RBFOX1: variants seen among roughly 807,000 people sequenced by gnomAD.
RBFOX1 encodes the protein RNA binding fox-1 homolog 1.
RBFOX1 carries 8 observed loss-of-function variants against 57.7 expected under a neutral mutation model. The ratio of observed to expected loss-of-function variants is 0.14; its 90% CI spans 0.08 to 0.25. The LOEUF (loss-of-function observed/expected upper bound fraction) is 0.25, where lower values mean the gene tolerates loss of function less well. Among genes scored for constraint, RBFOX1 ranks in the 10% least tolerant of loss-of-function variants. The probability of loss-of-function intolerance (pLI) is 1.00; values close to 1 mark genes in which losing one functional copy is unlikely to be tolerated. For synonymous variants in RBFOX1, 326 were observed against 222.4 expected (o/e 1.47, Z -4.15); for missense variants, 611 against 548.5 (o/e 1.11, Z -1.14).
rs1015073470 is a variant in RBFOX1, at chr16:5,947,287, C to G, written c.351+79952C>G. Among the ~76,000 whole-genome samples, 2 of 152,140 alleles carry G rather than the reference C, an allele frequency of 1.3e-5. No homozygotes were observed. Among genetic ancestry groups the G allele is most frequent in the Non-Finnish European group, 2.9e-5 (2 of 68,022 alleles). ...AGTGGGTAAGGAGGAGGTGGCCAAG[C>G]TGAGGTCAGAGGGGGAGGTCAGATC... On this transcript the variant is annotated intron_variant, in intron 4 of 19. Coordinates refer to the RBFOX1 transcript ENST00000641259. The surrounding 1 kb of genome is among the most constrained non-coding windows in gnomAD (Gnocchi z 7.2).
At chr16:7,324,404 A>C (rs1247835740) in intron 4 of RBFOX1, among the ~76,000 whole-genome samples, 1 of 152,106 alleles carries the variant, frequency 6.6e-6, no homozygotes, top group African/African-American at 2.4e-5. Context: ...AGATGTAGAG[A>C]GTGCACAAAG....
At chr16:6,953,789 A>G (rs1029275583) in intron 3 of RBFOX1, among the ~76,000 whole-genome samples, 1 of 152,174 alleles carries the variant, frequency 6.6e-6, no homozygotes, top group African/African-American at 2.4e-5. Context: ...GAATATCAAG[A>G]TTTCAAACTG....
intron 2 of RBFOX1, among the ~76,000 whole-genome samples, chr16:6,594,819 C>T (rs756981973): frequency 1.3e-5 from 2 of 152,142 alleles, no homozygotes; most frequent in Non-Finnish European, 2.9e-5. Context: ...GACGGAGTCT[C>T]ATTCCGTCGC....
intron 4 of RBFOX1, among the ~76,000 whole-genome samples, chr16:7,259,352 C>G (rs139719779): frequency 6.6e-6 from 1 of 152,058 alleles, no homozygotes; most frequent in African/African-American, 2.4e-5. Flanking sequence ...TAACCAAAAG[C>G]GAATGGGTTC....
At chr16:5,272,639 A>T (rs1311413631) in intron 1 of RBFOX1, among the ~76,000 whole-genome samples, 1 of 152,198 alleles carries the variant, frequency 6.6e-6, no homozygotes, top group Non-Finnish European at 1.5e-5. Flanking sequence ...TACAGCAAGA[A>T]TTAATGGCTT....
chr16:5,944,054 CATCCATCCATCA>C (rs1308721249), intron 4 of RBFOX1, among the ~76,000 whole-genome samples: 1 of 152,006 alleles, frequency 6.6e-6, no homozygotes, highest in African/African-American at 2.4e-5. Flanking sequence ...TCAATCCATC[CATCCATCCATCA>C]TTCAGCCCAC....
chr16:5,403,371 A>AAAC (rs2066771619), intron 1 of RBFOX1, among the ~76,000 whole-genome samples: 3 of 151,604 alleles, frequency 2.0e-5, no homozygotes, highest in Non-Finnish European at 2.9e-5. Flanking sequence ...AAAAAAACAA[A>AAAC]AAACAAACAA....
chr16:6,871,908 A>C (rs1166890040), intron 3 of RBFOX1, among the ~76,000 whole-genome samples: 3 of 85,028 alleles, frequency 3.5e-5, no homozygotes, highest in Non-Finnish European at 7.5e-5. Flanking sequence ...AGAGGGAGAG[A>C]GTCTGTGTGT....
chr16:7,282,675 C>A (rs1031550910), intron 4 of RBFOX1, among the ~76,000 whole-genome samples: 4 of 152,080 alleles, frequency 2.6e-5, no homozygotes, highest in African/African-American at 9.7e-5. Flanking sequence ...TGGGTGCACC[C>A]ATCACCTGAG....
chr16:7,689,823 C>T (rs2076937969), intron 14 of RBFOX1, among the ~76,000 whole-genome samples: 1 of 152,014 alleles, frequency 6.6e-6, no homozygotes, highest in South Asian at 2.1e-4. Context: ...TATGATATGG[C>T]CACTGTAGAG....
chr16:6,947,062 G>A (rs1342585023), intron 3 of RBFOX1, among the ~76,000 whole-genome samples: 1 of 152,142 alleles, frequency 6.6e-6, no homozygotes, highest in Non-Finnish European at 1.5e-5. Flanking sequence ...GTAATTGAGA[G>A]AAGGTCTGTG....
At chr16:6,641,233 A>C (rs1017342975) in intron 2 of RBFOX1, among the ~76,000 whole-genome samples, 1 of 152,174 alleles carries the variant, frequency 6.6e-6, no homozygotes, top group African/African-American at 2.4e-5. Context: ...TCAGAGGTTC[A>C]GGGCTTCCCC....
At chr16:6,764,251 C>T (rs897884760) in intron 3 of RBFOX1, among the ~76,000 whole-genome samples, 2 of 152,178 alleles carry the variant, frequency 1.3e-5, no homozygotes, top group East Asian at 3.9e-4. Flanking sequence ...ATTGGCTGGA[C>T]TTGAAAGCAC....
intron 3 of RBFOX1, among the ~76,000 whole-genome samples, chr16:6,882,679 G>T (rs1603636204): frequency 1.3e-5 from 2 of 152,152 alleles, no homozygotes; most frequent in Non-Finnish European, 2.9e-5. Flanking sequence ...CCCATTGGCT[G>T]TATGGATAAC....
At chr16:6,784,011 C>T (rs2081482639) in intron 3 of RBFOX1, among the ~76,000 whole-genome samples, 1 of 152,120 alleles carries the variant, frequency 6.6e-6, no homozygotes, top group Non-Finnish European at 1.5e-5. Context: ...TGCTGACAAA[C>T]ATTTGGACTT....
intron 2 of RBFOX1, among the ~76,000 whole-genome samples, chr16:6,627,814 G>A (rs1268316161): frequency 6.6e-6 from 1 of 152,154 alleles, no homozygotes; most frequent in African/African-American, 2.4e-5. Context: ...CTACAAGGAA[G>A]AGAGAAGGTT....
chr16:7,017,875 C>T lies in RBFOX1; in HGVS notation c.-15-34182C>T, dbSNP rs538616669. Among the ~76,000 whole-genome samples the T allele has an allele frequency of 2.8e-4, 42 of 152,168 alleles. 1 individual carries two copies. Among genetic ancestry groups the T allele is most frequent in the African/African-American group, 1.0e-3 (42 of 41,502 alleles). ...TTCATTCAGAGAGAATTGGAGTCTT[C>T]GAGGCTTAGCAACAACAGAGAGATG... On this transcript the variant is annotated intron_variant, in intron 3 of 15. Transcript: ENST00000550418.
At chr16:6,891,174 C>T (rs983989100) in intron 3 of RBFOX1, among the ~76,000 whole-genome samples, 1 of 152,170 alleles carries the variant, frequency 6.6e-6, no homozygotes, top group African/African-American at 2.4e-5. Flanking sequence ...CCAATGCATC[C>T]ATTTTTATTA....
chr16:5,833,944 G>A (rs1488898783), intron 3 of RBFOX1, among the ~76,000 whole-genome samples: 1 of 152,156 alleles, frequency 6.6e-6, no homozygotes, highest in Non-Finnish European at 1.5e-5. Flanking sequence ...TTTGTGGCAC[G>A]TGTTTGAAGC....
Sources: gnomAD v4.1 joint callset for allele counts (sites outside exome capture counted in the v4.1 genomes callset) on GRCh38, gnomAD v4.1.1 for gene constraint, Gnocchi (gnomAD v3.1) non-coding constraint, MANE v1.5 for transcripts, NCBI Gene and HGNC (gene_info 2026-07-23, HGNC 2026-07-21) for gene names.